Variants in TRPM6 observed in about 807,000 individuals in gnomAD.
The protein encoded by TRPM6 is transient receptor potential cation channel subfamily M member 6.
TRPM6 carries 111 observed loss-of-function variants against 247.6 expected under a neutral mutation model. The observed-to-expected ratio is 0.45, with a 90% CI of 0.38 to 0.52. The LOEUF is 0.52. TRPM6 is among the 20% of genes least tolerant of loss of function. The pLI is 0.00. For synonymous variants in TRPM6, 892 were observed against 853.8 expected, an observed-to-expected ratio of 1.04 and a Z score of -0.78; for missense variants, 2,126 against 2,421.5, an observed-to-expected ratio of 0.88 and a Z score of 2.56.
chr9:74,796,932 T>C, intron 17 of TRPM6, 39 bp from the exon 18 acceptor site: 2 of 1,558,326 alleles, frequency 1.3e-6, no homozygotes, highest in Non-Finnish European at 8.8e-7. Flanking sequence ...TAGTAGGGAC[T>C]ACAAAAGCAC....
In TRPM6 at chr9:74,842,552, T is replaced by G. The variant is rs577616251; in HGVS notation, c.153-209A>C. Among the ~76,000 whole-genome samples, 345 of 152,304 alleles carry G rather than the reference T, an allele frequency of 2.3e-3. 2 individuals carry two copies. The highest frequency in any genetic ancestry group is 7.5e-3 in the African/African-American group (313 of 41,556). Reference sequence around the variant, plus strand: ...CTCTTGGCTGCACATTAGGATAATTTGGAGAATATTTTTTCTTTAAAGGCA... The same window carrying G: ...CTCTTGGCTGCACATTAGGATAATTGGGAGAATATTTTTTCTTTAAAGGCA... On this transcript the variant is annotated intron_variant, in intron 3 of 38. Coordinates refer to ENST00000360774, the MANE Select transcript of TRPM6 (RefSeq NM_017662.5).
intron 25 of TRPM6, among the ~76,000 whole-genome samples, chr9:74,770,938 G>A (rs114510003): frequency 0.026 from 4,022 of 152,150 alleles, 171 homozygotes; most frequent in African/African-American, 0.089. Flanking sequence ...TGCAGTCTCT[G>A]CTTCTCCTAT....
At chr9:74,794,482 C>T (rs1828020347) in intron 18 of TRPM6, among the ~76,000 whole-genome samples, 1 of 152,054 alleles carries the variant, frequency 6.6e-6, no homozygotes, top group Non-Finnish European at 1.5e-5. Flanking sequence ...TAGGAATTGG[C>T]CCAATTCCTA....
chr9:74,750,291 G>A (rs1372173472), intron 30 of TRPM6, among the ~76,000 whole-genome samples: 2 of 152,192 alleles, frequency 1.3e-5, no homozygotes, highest in African/African-American at 4.8e-5. Flanking sequence ...CAGGTGTTCA[G>A]TCTAAGTCTG....
chr9:74,826,830 C>T (rs1829352364), intron 7 of TRPM6: 1 of 151,338 alleles, frequency 6.6e-6, no homozygotes, highest in Admixed American at 6.6e-5. Flanking sequence ...CCTCTACACC[C>T]CAGGTTCAAG....
intron 6 of TRPM6, among the ~76,000 whole-genome samples, chr9:74,830,449 C>T (rs980179545): frequency 6.6e-6 from 1 of 152,074 alleles, no homozygotes; most frequent in Non-Finnish European, 1.5e-5. Context: ...GGCTGGAGTA[C>T]AGTAGTGCCC....
At position 74,728,911 on chromosome 9, in the gene TRPM6, G is replaced by A. The variant is rs771073935; in HGVS notation, c.5829-566C>T. ...AACTGCTAGAGCTGGGCTTTTTGTG[G>A]AAAGACAAGACTATGACACAATGTG... On this transcript the variant is annotated intron_variant, in intron 37 of 38. Transcript: ENST00000360774. Among the ~76,000 whole-genome samples, 9 of 152,312 alleles carry A rather than the reference G, an allele frequency of 5.9e-5. 1 individual carries two copies. The highest frequency in any genetic ancestry group is 9.6e-5 in the African/African-American group (4 of 41,564).
intron 3 of TRPM6, among the ~76,000 whole-genome samples, chr9:74,848,760 A>C (rs1376108949): frequency 3.9e-5 from 6 of 152,218 alleles, no homozygotes; most frequent in Non-Finnish European, 8.8e-5. Context: ...CTGATGCACA[A>C]TTAATTCCAT....
intron 31 of TRPM6, among the ~76,000 whole-genome samples, chr9:74,747,209 G>T (rs1035028302): frequency 6.6e-6 from 1 of 152,104 alleles, no homozygotes; most frequent in African/African-American, 2.4e-5. Context: ...GGGTTGGAGT[G>T]GTAGCTTGAA....
At chr9:74,737,609 T>TCC (rs1415614933) in intron 36 of TRPM6, among the ~76,000 whole-genome samples, 1 of 152,152 alleles carries the variant, frequency 6.6e-6, no homozygotes, top group Admixed American at 6.6e-5. Flanking sequence ...GCATCCTGGC[T>TCC]CCCCCTTAAG....
intron 7 of TRPM6, among the ~76,000 whole-genome samples, chr9:74,822,778 T>C (rs1564030714): frequency 2.6e-5 from 4 of 152,120 alleles, no homozygotes. Flanking sequence ...GTCATTCTTT[T>C]AAAAAAGATG....
At chr9:74,818,260 T>C (rs1048507372) in intron 9 of TRPM6, among the ~76,000 whole-genome samples, 1 of 150,346 alleles carries the variant, frequency 6.7e-6, no homozygotes, top group African/African-American at 2.4e-5. Flanking sequence ...AGATTTCAAC[T>C]CTTCTGAAAC....
rs1442359915 is a variant in TRPM6, at chr9:74,788,580, T to C, written c.2667+34A>G. ...TGGACACCTACAGAAGCTGAGGACATATGCAGAAGATAAAGGTAGATGGCA... is the reference window on the plus strand; with the variant it reads ...TGGACACCTACAGAAGCTGAGGACACATGCAGAAGATAAAGGTAGATGGCA... On this transcript the variant is annotated intron_variant, in intron 20 of 38. Coordinates refer to ENST00000360774, the MANE Select transcript of TRPM6 (RefSeq NM_017662.5). 5 of 1,612,774 alleles carry C rather than the reference T, an allele frequency of 3.1e-6. No homozygotes were observed. In the Admixed American group the frequency reaches 5.0e-5, roughly 16 times the overall value.
intron 38 of TRPM6, among the ~76,000 whole-genome samples, chr9:74,725,425 TTAA>T (rs1396636157): frequency 3.9e-5 from 6 of 152,138 alleles, no homozygotes; most frequent in African/African-American, 1.2e-4. Flanking sequence ...ATATTATATA[TTAA>T]TAATAAAACA....
At chr9:74,810,701 G>T in intron 13 of TRPM6, 114 bp downstream of exon 13, 1 of 878,070 alleles carries the variant, frequency 1.1e-6, no homozygotes, top group Non-Finnish European at 1.9e-6. Context: ...AAGAAGATAG[G>T]TAATTAACAA....
intron 33 of TRPM6, among the ~76,000 whole-genome samples, chr9:74,742,096 C>T (rs1344297115): frequency 1.3e-5 from 2 of 152,010 alleles, no homozygotes; most frequent in African/African-American, 4.8e-5. Flanking sequence ...TTTACTACTC[C>T]AGACTTTTAA....
chr9:74,777,777 A>G (rs1193643930), intron 23 of TRPM6, among the ~76,000 whole-genome samples: 4 of 152,178 alleles, frequency 2.6e-5, no homozygotes, highest in Non-Finnish European at 4.4e-5. Flanking sequence ...GGGGACAGAA[A>G]CCAGACATCC....
intron 23 of TRPM6, among the ~76,000 whole-genome samples, chr9:74,778,408 C>T (rs538245979): frequency 9.8e-5 from 15 of 152,330 alleles, no homozygotes; most frequent in African/African-American, 3.4e-4. Context: ...TGAGATGTGA[C>T]TGTCACCAAC....
intron 1 of TRPM6, among the ~76,000 whole-genome samples, chr9:74,882,191 T>C (rs1587612059): frequency 6.8e-6 from 1 of 148,146 alleles, no homozygotes; most frequent in African/African-American, 2.6e-5. Flanking sequence ...AAAACAAAAG[T>C]ACACAACTGA....
Sources: gnomAD v4.1 joint callset for allele counts (sites outside exome capture counted in the v4.1 genomes callset) on GRCh38, gnomAD v4.1.1 for gene constraint, MANE v1.5 for transcripts, NCBI Gene and HGNC (gene_info 2026-07-23, HGNC 2026-07-21) for gene names.